Variants in TJP1 observed in about 807,000 individuals in gnomAD.
TJP1 encodes tight junction protein ZO-1.
In TJP1, 43 loss-of-function variants were observed where a neutral mutation model predicts 194.2. The ratio of observed to expected loss-of-function variants is 0.22; its 90% CI spans 0.17 to 0.29. TJP1 has a LOEUF of 0.29. Among genes scored for constraint, TJP1 ranks in the 10% least tolerant of loss-of-function variants. TJP1 has a pLI of 1.00. For missense variants in TJP1, 1,971 were observed against 2,185.7 expected, an observed-to-expected ratio of 0.90 and a Z score of 1.96; for synonymous variants, 801 against 779.0, an observed-to-expected ratio of 1.03 and a Z score of -0.47.
chr15:29,839,680 C>T (rs1225292974), intron 2 of TJP1, among the ~76,000 whole-genome samples: 3 of 152,208 alleles, frequency 2.0e-5, no homozygotes, highest in Middle Eastern at 3.4e-3. Flanking sequence ...AAATATTATA[C>T]GAAAACCGTG....
chr15:29,903,099 C>A (rs971184116), intron 2 of TJP1, among the ~76,000 whole-genome samples: 1 of 152,062 alleles, frequency 6.6e-6, no homozygotes, highest in African/African-American at 2.4e-5. Context: ...TAGAAGGGGG[C>A]CCTTGCCAGG....
intron 1 of TJP1, among the ~76,000 whole-genome samples, 175 bp downstream of exon 1, chr15:29,821,827 G>A (rs1234906661): frequency 6.9e-6 from 1 of 145,080 alleles, no homozygotes; most frequent in Non-Finnish European, 1.5e-5. Context: ...CCCCGCCCGA[G>A]GGGCTCCCCG....
At chr15:29,711,096 A>T (rs2151044945) in intron 23 of TJP1, 96 bp from the exon 24 acceptor site, 1 of 1,408,650 alleles carries the variant, frequency 7.1e-7, no homozygotes, top group Non-Finnish European at 9.5e-7. Flanking sequence ...TTAAAAAAAA[A>T]AACTAGAAAT....
intron 2 of TJP1, among the ~76,000 whole-genome samples, chr15:29,943,489 A>T (rs1187920121): frequency 6.6e-6 from 1 of 151,796 alleles, no homozygotes; most frequent in East Asian, 1.9e-4. Context: ...TTAGCTGGGC[A>T]TGGTGGCGTG....
chr15:29,719,655 G>C (rs2042805797), intron 20 of TJP1, 122 bp downstream of exon 20: 1 of 1,237,204 alleles, frequency 8.1e-7, no homozygotes, highest in Non-Finnish European at 1.1e-6. Flanking sequence ...TGATTTGAAA[G>C]CATTACAGTG....
intron 2 of TJP1, among the ~76,000 whole-genome samples, chr15:29,887,513 C>T (rs960374354): frequency 1.3e-5 from 2 of 151,866 alleles, no homozygotes; most frequent in Non-Finnish European, 2.9e-5. Context: ...GTTAGCCAGG[C>T]TGGTCTTGAA....
At chr15:29,811,573 GAGC>G (rs2049515753) in intron 1 of TJP1, among the ~76,000 whole-genome samples, 1 of 152,156 alleles carries the variant, frequency 6.6e-6, no homozygotes, top group African/African-American at 2.4e-5. Context: ...CATCCAAATT[GAGC>G]CAGGTACCCT....
chr15:29,718,176 A>C, intron 21 of TJP1, 58 bp from the exon 22 acceptor site: 1 of 1,589,296 alleles, frequency 6.3e-7, no homozygotes, highest in Non-Finnish European at 8.5e-7. Context: ...GATAATTAAC[A>C]GAATAGATAT....
intron 2 of TJP1, among the ~76,000 whole-genome samples, chr15:29,949,591 CACA>C (rs1204139051): frequency 2.3e-4 from 29 of 127,838 alleles, no homozygotes; most frequent in Non-Finnish European, 3.3e-4. Flanking sequence ...CCTCCACCTC[CACA>C]ACCACCACCT....
chr15:29,751,753 A>G (rs1453175465), intron 8 of TJP1, among the ~76,000 whole-genome samples: 1 of 152,242 alleles, frequency 6.6e-6, no homozygotes, highest in Non-Finnish European at 1.5e-5. Flanking sequence ...CAGAGAAAAC[A>G]GAAAATTGTC....
intron 2 of TJP1, among the ~76,000 whole-genome samples, chr15:29,797,345 T>C (rs2048480030): frequency 6.6e-6 from 1 of 152,174 alleles, no homozygotes; most frequent in Admixed American, 6.5e-5. Context: ...AGACAGGCTT[T>C]CACCATGTTG....
chr15:29,883,863 A>T (rs1434786693), intron 2 of TJP1, among the ~76,000 whole-genome samples: 1 of 152,256 alleles, frequency 6.6e-6, no homozygotes, highest in African/African-American at 2.4e-5. Flanking sequence ...ATAAAGGAAT[A>T]GACAAAATTT....
At chr15:29,702,180 C>T (rs532178123) in intron 27 of TJP1, among the ~76,000 whole-genome samples, 5 of 151,968 alleles carry the variant, frequency 3.3e-5, no homozygotes, top group African/African-American at 1.2e-4. Flanking sequence ...TTCTCACACT[C>T]AACTATAAAC....
At chr15:29,908,962 G>A (rs185712181) in intron 2 of TJP1, among the ~76,000 whole-genome samples, 134 of 152,108 alleles carry the variant, frequency 8.8e-4, no homozygotes, top group African/African-American at 3.0e-3. Flanking sequence ...AGAACATCCC[G>A]GCTAACACGG....
chr15:29,814,585 T>A (rs1457094105), intron 1 of TJP1, among the ~76,000 whole-genome samples: 1 of 152,110 alleles, frequency 6.6e-6, no homozygotes, highest in Non-Finnish European at 1.5e-5. Context: ...ATTCCTAAGA[T>A]AACCAAGAAG....
chr15:29,773,936 T>A (rs1156654636), intron 2 of TJP1, among the ~76,000 whole-genome samples: 1 of 152,156 alleles, frequency 6.6e-6, no homozygotes, highest in Non-Finnish European at 1.5e-5. Context: ...AAAACTAAAT[T>A]ATAATAAGCT....
At chr15:29,839,234 G>A (rs1001774295) in intron 2 of TJP1, among the ~76,000 whole-genome samples, 4 of 152,050 alleles carry the variant, frequency 2.6e-5, no homozygotes, top group East Asian at 3.9e-4. Flanking sequence ...TCCTGACCTC[G>A]TGATCTGCCC....
At chr15:29,846,236 G>A (rs1405877758) in intron 2 of TJP1, among the ~76,000 whole-genome samples, 1 of 152,144 alleles carries the variant, frequency 6.6e-6, no homozygotes, top group Non-Finnish European at 1.5e-5. Flanking sequence ...AGCTCCTGCA[G>A]ATCAGACCTT....
At chr15:29,848,523 T>C (rs188904055) in intron 2 of TJP1, among the ~76,000 whole-genome samples, 126 of 152,290 alleles carry the variant, frequency 8.3e-4, no homozygotes, top group East Asian at 1.5e-3. Flanking sequence ...ACAGAGGAAG[T>C]TGACTAGAGA....
Sources: gnomAD v4.1 joint callset for allele counts (sites outside exome capture counted in the v4.1 genomes callset) on GRCh38, gnomAD v4.1.1 for gene constraint, MANE v1.5 for transcripts, NCBI Gene and HGNC (gene_info 2026-07-23, HGNC 2026-07-21) for gene names.